The following IFT74 variants were observed in gnomAD, a reference collection of about 807,000 sequenced individuals.
IFT74 encodes intraflagellar transport 74, also known as intraflagellar transport protein 74 homolog.
IFT74 carries 92 observed loss-of-function variants against 96.7 expected under a neutral mutation model. The observed-to-expected ratio is 0.95, with a 90% CI of 0.80 to 1.13. The LOEUF is 1.13. IFT74 is among the 50% of genes most tolerant of loss of function. The pLI, the probability that IFT74 is intolerant of heterozygous loss-of-function variation, is 0.00. For synonymous variants in IFT74, 223 were observed against 213.2 expected, an observed-to-expected ratio of 1.05 and a Z score of -0.40; for missense variants, 811 against 698.2, an observed-to-expected ratio of 1.16 and a Z score of -1.82.
chr9:27,029,273 T>G (rs1244730275), intron 13 of IFT74, among the ~76,000 whole-genome samples, 169 bp downstream of exon 13: 2 of 152,204 alleles, frequency 1.3e-5, no homozygotes, highest in African/African-American at 4.8e-5. Context: ...ATTAAAGCAA[T>G]GATTTAAACT....
intron 2 of IFT74, among the ~76,000 whole-genome samples, chr9:26,974,692 A>C (rs1289821460): frequency 6.6e-6 from 1 of 152,054 alleles, no homozygotes; most frequent in South Asian, 2.1e-4. Context: ...TAGCAGCCCT[A>C]CGGTTATGCT....
At chr9:26,961,081 T>TTG (rs1826332603) in intron 1 of IFT74, among the ~76,000 whole-genome samples, 1 of 146,234 alleles carries the variant, frequency 6.8e-6, no homozygotes, top group African/African-American at 2.5e-5. Flanking sequence ...GAAGTGAATC[T>TTG]TGTTTTTTTT....
At chr9:27,060,290 A>G (rs1419248097) in intron 18 of IFT74, among the ~76,000 whole-genome samples, 2 of 152,142 alleles carry the variant, frequency 1.3e-5, no homozygotes, top group African/African-American at 4.8e-5. Flanking sequence ...TTTCTTTTAA[A>G]AGTTTTTTTA....
chr9:26,961,840 G>T, intron 1 of IFT74, 109 bp from the exon 2 acceptor site: 1 of 1,145,320 alleles, frequency 8.7e-7, no homozygotes, highest in Non-Finnish European at 1.3e-6. Flanking sequence ...ACACAGAACG[G>T]CAGTTTGCAA....
intron 18 of IFT74, among the ~76,000 whole-genome samples, chr9:27,059,347 CA>C (rs1489474177): frequency 6.6e-6 from 1 of 152,114 alleles, no homozygotes; most frequent in Non-Finnish European, 1.5e-5. Flanking sequence ...AACAGATTTT[CA>C]AAATGAATTT....
At chr9:27,004,366 A>T (rs1336832101) in intron 8 of IFT74, among the ~76,000 whole-genome samples, 1 of 152,198 alleles carries the variant, frequency 6.6e-6, no homozygotes. Context: ...AAAGCATTCA[A>T]CAAATCTAAA....
chr9:26,982,821 A>T (rs1013215202), intron 4 of IFT74, among the ~76,000 whole-genome samples: 26 of 152,018 alleles, frequency 1.7e-4, no homozygotes, highest in South Asian at 4.2e-4. Flanking sequence ...TGAACTCCTG[A>T]CCTCAGGTAA....
chr9:27,028,763 A>T, intron 12 of IFT74: 1 of 231,710 alleles, frequency 4.3e-6, no homozygotes, highest in South Asian at 9.5e-5. Flanking sequence ...TCAAAGAAAA[A>T]AAAAAAAAGA....
intron 13 of IFT74, among the ~76,000 whole-genome samples, chr9:27,040,637 G>T (rs901536841): frequency 5.3e-5 from 8 of 151,608 alleles, no homozygotes; most frequent in Admixed American, 5.3e-4. Context: ...GTCTGGCTGT[G>T]CAAAAGTCCT....
intron 8 of IFT74, among the ~76,000 whole-genome samples, chr9:27,005,354 C>CG (rs1554671223): frequency 5.3e-5 from 2 of 37,572 alleles, no homozygotes; most frequent in Non-Finnish European, 8.9e-5. Context: ...AAACCATTTC[C>CG]CCCCCCGCCC....
At chr9:27,061,609 T>C (rs1490309887) in intron 19 of IFT74, among the ~76,000 whole-genome samples, 1 of 151,288 alleles carries the variant, frequency 6.6e-6, no homozygotes, top group Admixed American at 6.6e-5. Flanking sequence ...CTCTAAAATA[T>C]AGTTAATATT....
intron 16 of IFT74, among the ~76,000 whole-genome samples, chr9:27,050,768 G>T (rs7032024): frequency 0.028 from 4,205 of 150,978 alleles, 215 homozygotes; most frequent in African/African-American, 0.095. Flanking sequence ...ATAGCATTAG[G>T]AGGTATACCT....
rs1255131320 is a variant in IFT74, at chr9:27,064,373, G to T, written c.*1637G>T. 6.6e-6 allele frequency among the ~76,000 whole-genome samples: 1 copy of T among 151,908 alleles called. No individual in the cohort carries two copies. The highest frequency in any genetic ancestry group is 1.5e-5 in the Non-Finnish European group (1 of 67,920). Reference sequence around the variant, plus strand: ...AGAAAGTGCTTATAAAATTTCACAAGGGAAAAAAACTCTTTTAGCAGTTAA... The same window carrying T: ...AGAAAGTGCTTATAAAATTTCACAATGGAAAAAAACTCTTTTAGCAGTTAA... On this transcript the variant is annotated 3_prime_UTR_variant, in exon 20 of 20. Coordinates refer to ENST00000380062, the MANE Select transcript of IFT74 (RefSeq NM_025103.4).
chr9:26,999,376 T>C, intron 8 of IFT74, among the ~76,000 whole-genome samples: 1 of 152,278 alleles, frequency 6.6e-6, no homozygotes, highest in East Asian at 1.9e-4. Flanking sequence ...AAAACTAATT[T>C]CTGATTTTAT....
chr9:26,987,135 C>T (rs780109466), intron 6 of IFT74, among the ~76,000 whole-genome samples: 13 of 152,014 alleles, frequency 8.6e-5, no homozygotes, highest in Admixed American at 6.6e-4. Flanking sequence ...CTGTAACCTC[C>T]GCCTCTTGGG....
Position 27,009,012 on chromosome 9 carries a change from G to A in IFT74, c.588-8G>A. 1 of 1,608,100 alleles carries A rather than the reference G, an allele frequency of 6.2e-7. No individual in the cohort carries two copies. On this transcript the variant is annotated splice_region_variant and splice_polypyrimidine_tract_variant and intron_variant, in intron 8 of 19. Coordinates refer to ENST00000380062, the MANE Select transcript of IFT74 (RefSeq NM_025103.4). ...AGTATCAGGAATATTACGTGCTTCTGATTTTAGGAAAGAAAAACAAATCAG... is the reference window on the plus strand; with the variant it reads ...AGTATCAGGAATATTACGTGCTTCTAATTTTAGGAAAGAAAAACAAATCAG...
In IFT74 at chr9:27,055,772, G is replaced by C. The variant is rs369190891; in HGVS notation, c.1497G>C (p.Lys499Asn). The C allele has an allele frequency of 1.1e-5, 17 of 1,506,950 alleles. No homozygotes were observed. In the African/African-American group the frequency reaches 1.9e-4, roughly 17 times the overall value. The allele number at this position is 1,506,950 out of a possible 1,614,324, so 93.3% of individuals were successfully genotyped here. ...ALKSSGEEKI[K>N]KLHQERMILS... ...AATCATCAGGTGAAGAAAAGATAAAGGTAAATGTTAACCAAGTCTTACAGA... is the reference window on the plus strand; with the variant it reads ...AATCATCAGGTGAAGAAAAGATAAACGTAAATGTTAACCAAGTCTTACAGA... Residue 499 changes from lysine (K) to asparagine (N), a missense_variant and splice_region_variant, in exon 17 of 20, where the codon AAG becomes AAC. Lys to Asn is a moderately conservative substitution (Grantham distance 94, BLOSUM62 0). Transcript: ENST00000380062.
At chr9:26,976,934 A>T (rs187319593) in intron 2 of IFT74, among the ~76,000 whole-genome samples, 1 of 152,192 alleles carries the variant, frequency 6.6e-6, no homozygotes, top group Non-Finnish European at 1.5e-5. Flanking sequence ...TAGTACTTAC[A>T]TGGTCATCTT....
intron 1 of IFT74, among the ~76,000 whole-genome samples, chr9:26,948,838 C>T (rs1361315893): frequency 2.0e-5 from 3 of 152,064 alleles, no homozygotes; most frequent in Non-Finnish European, 4.4e-5. Context: ...CTAGATTCAT[C>T]TCCCTCTGTT....
Sources: allele counts gnomAD v4.1 joint callset (sites outside exome capture counted in the v4.1 genomes callset), GRCh38; gene constraint gnomAD v4.1.1; transcripts MANE v1.5; gene names NCBI Gene and HGNC (gene_info 2026-07-23, HGNC 2026-07-21).